Variants in IL5 observed in about 807,000 individuals in gnomAD.
The protein encoded by IL5 is interleukin-5.
In IL5, 12 loss-of-function variants were observed where a neutral mutation model predicts 16.3. The observed-to-expected ratio is 0.74, with a 90% CI of 0.47 to 1.20. The LOEUF (loss-of-function observed/expected upper bound fraction) is 1.20, where lower values mean the gene tolerates loss of function less well. Among genes scored for constraint, IL5 ranks in the 50% most tolerant of loss-of-function variants. The pLI is 0.00. For synonymous variants in IL5, 54 were observed against 56.6 expected, an observed-to-expected ratio of 0.95 and a Z score of 0.21; for missense variants, 159 against 153.9, an observed-to-expected ratio of 1.03 and a Z score of -0.17.
At position 132,556,806 on chromosome 5, in the gene IL5, CATCCCCA is replaced by C. The variant is rs949679573; in HGVS notation, c.-98_-92del. On this transcript the variant is annotated 5_prime_UTR_variant, in exon 1 of 3. Transcript: ENST00000450655. ...AAAGTCAGTGCCTCTCCAGGCTGCC[CATCCCCA>C]GCAAAGATCCGGAAGTCCGCTGCCC... is the stretch of plus-strand genomic sequence containing the variant. The C allele has an allele frequency of 1.9e-5, 23 of 1,204,072 alleles. No individual in the cohort carries two copies. The African/African-American group carries it at 3.2e-4, about 17-fold the overall frequency. 74.6% of individuals were successfully genotyped at this position (1,204,072 alleles called of 1,614,324 possible). A position where few individuals can be genotyped will look rare whatever the true frequency, so the allele number is the denominator to read the frequency against.
At chr5:132,556,535 G>A (rs1046254304) in intron 1 of IL5, 7 of 277,874 alleles carry the variant, frequency 2.5e-5, no homozygotes, top group African/African-American at 4.6e-5. Flanking sequence ...ATTTCTAAGC[G>A]CAAGAATACA....
At chr5:132,542,196 T>C (rs1749708480) in intron 2 of IL5, 53 bp from the exon 3 acceptor site, 9 of 1,474,900 alleles carry the variant, frequency 6.1e-6, no homozygotes, top group Non-Finnish European at 8.4e-6. Context: ...GTATAAAAAT[T>C]TGGTCCATTG....
upstream of IL5, chr5:132,543,536 G>A (rs774245052): frequency 1.7e-5 from 26 of 1,507,174 alleles, no homozygotes; most frequent in African/African-American, 4.2e-5. Flanking sequence ...ACAAGACTGC[G>A]TCCCCAGTCA....
upstream of IL5, among the ~76,000 whole-genome samples, chr5:132,546,343 C>T (rs1052062695): frequency 3.3e-5 from 5 of 152,120 alleles, no homozygotes; most frequent in East Asian, 1.9e-4. Context: ...CTTGCAACCA[C>T]GCTTCTACTT....
chr5:132,547,829 G>A (rs1243450270), upstream of IL5, among the ~76,000 whole-genome samples: 1 of 152,164 alleles, frequency 6.6e-6, no homozygotes, highest in Non-Finnish European at 1.5e-5. Flanking sequence ...CAGCACTTTG[G>A]GAGGCTGAGG....
At chr5:132,544,251 A>G (rs1749749146), upstream of IL5, among the ~76,000 whole-genome samples, 1 of 152,218 alleles carries the variant, frequency 6.6e-6, no homozygotes, top group South Asian at 2.1e-4. Flanking sequence ...GAGCAGCAGG[A>G]AAAAGCAAGC....
At chr5:132,548,976 A>G (rs892676229) in intron 1 of IL5, among the ~76,000 whole-genome samples, 7 of 152,194 alleles carry the variant, frequency 4.6e-5, no homozygotes, top group African/African-American at 1.7e-4. Flanking sequence ...GTTTTGTTAT[A>G]CATCGTTTCC....
At chr5:132,554,514 G>T (rs1749940415) in intron 1 of IL5, among the ~76,000 whole-genome samples, 1 of 152,008 alleles carries the variant, frequency 6.6e-6, no homozygotes, top group African/African-American at 2.4e-5. Flanking sequence ...CACTCATCAG[G>T]ATGGCTACCA....
chr5:132,543,693 T>G (rs1229815747), upstream of IL5: 1 of 397,396 alleles, frequency 2.5e-6, no homozygotes, highest in Non-Finnish European at 4.4e-6. Context: ...TAAAAATCCC[T>G]GTTTCCCCCC....
chr5:132,543,497 GT>G lies in IL5; in HGVS notation c.-20del, dbSNP rs1561621216. The G allele has an allele frequency of 6.2e-7, 1 of 1,611,666 alleles. No individual in the cohort carries two copies. Among genetic ancestry groups the G allele is most frequent in the East Asian group, 2.2e-5 (1 of 44,856 alleles). Reference sequence around the variant, plus strand: ...TCCTCATGGCTCTGAAACGTTCTGCGTTTGCCTTTGGCAAAGAAAGTGCATA... The same window carrying G: ...TCCTCATGGCTCTGAAACGTTCTGCGTTGCCTTTGGCAAAGAAAGTGCATA... On this transcript the variant is annotated 5_prime_UTR_variant, in exon 1 of 4. Coordinates refer to ENST00000231454, the MANE Select transcript of IL5 (RefSeq NM_000879.3).
Position 132,541,826 on chromosome 5 carries a change from C to G in IL5, c.390G>C (p.Trp130Cys). ...QEFLGVMNTE[W>C]IIES ...CAGTTTAGTCTCAACTTTCTATTAT[C>G]CACTCGGTGTTCATTACACCAAGAA... The change falls in exon 4 of 4, where the codon TGG becomes TGC. Residue 130 changes from tryptophan to cysteine, a missense_variant. Trp to Cys is a radical substitution (Grantham distance 215). Coordinates refer to ENST00000231454, the MANE Select transcript of IL5 (RefSeq NM_000879.3). 6.2e-7 allele frequency: 1 copy of G among 1,610,670 alleles called. No homozygotes were observed.
intron 1 of IL5, chr5:132,556,670 T>C (rs772742524): frequency 5.4e-5 from 68 of 1,253,154 alleles, no homozygotes; most frequent in Admixed American, 8.8e-5. Flanking sequence ...TGACACGAAC[T>C]GACCCCGCTT....
upstream of IL5, among the ~76,000 whole-genome samples, chr5:132,544,826 A>C (rs1189861419): frequency 1.3e-5 from 2 of 152,240 alleles, no homozygotes; most frequent in African/African-American, 4.8e-5. Context: ...ACTGTTGCCC[A>C]GAACAGTTTT....
Position 132,541,674 on chromosome 5 carries a change from T to A in IL5, c.*137A>T, listed in dbSNP as rs992130662. 2.0e-5 allele frequency: 11 copies of A among 547,150 alleles called. No homozygotes were observed. The highest frequency in any genetic ancestry group is 2.9e-5 in the Non-Finnish European group (9 of 310,152). 33.9% of individuals were successfully genotyped at this position (547,150 alleles called of 1,614,324 possible). A position where few individuals can be genotyped will look rare whatever the true frequency, so the allele number is the denominator to read the frequency against. ...TATGCTTTCTGGCAAAGTGTCAGTA[T>A]GCCTGAAATATTTACTTTCCCTCTG... On this transcript the variant is annotated 3_prime_UTR_variant, in exon 4 of 4. Transcript: ENST00000231454.
At chr5:132,555,660 C>T (rs892529125) in intron 1 of IL5, among the ~76,000 whole-genome samples, 6 of 152,150 alleles carry the variant, frequency 3.9e-5, no homozygotes, top group Non-Finnish European at 7.4e-5. Context: ...GGACCATCGG[C>T]GCCTGCCACC....
intron 1 of IL5, 70 bp downstream of exon 1, chr5:132,543,265 A>G (rs1189422418): frequency 3.4e-6 from 5 of 1,454,786 alleles, no homozygotes; most frequent in Non-Finnish European, 4.8e-6. Context: ...ATCTCTATAT[A>G]TAGTAAAGGA....
chr5:132,546,780 C>CT (rs2149824850), upstream of IL5, among the ~76,000 whole-genome samples: 1 of 152,182 alleles, frequency 6.6e-6, no homozygotes, highest in South Asian at 2.1e-4. Flanking sequence ...AATCTCAGCA[C>CT]TTTGGGAGGC....
At chr5:132,543,283 C>A in intron 1 of IL5, 52 bp downstream of exon 1, 1 of 1,535,622 alleles carries the variant, frequency 6.5e-7, no homozygotes. Context: ...GGAACCATCA[C>A]AAATGATTAC....
Position 132,543,511 on chromosome 5 carries a change from A to G in IL5, c.-33T>C. 1 of 1,609,838 alleles carries G rather than the reference A, an allele frequency of 6.2e-7. No homozygotes were observed. The highest frequency in any genetic ancestry group is 2.2e-5 in the East Asian group (1 of 44,862). Reference sequence around the variant, plus strand: ...AAACGTTCTGCGTTTGCCTTTGGCAAAGAAAGTGCATAGTACAAGACTGCG... The same window carrying G: ...AAACGTTCTGCGTTTGCCTTTGGCAGAGAAAGTGCATAGTACAAGACTGCG... On this transcript the variant is annotated 5_prime_UTR_variant, in exon 1 of 4. Transcript: ENST00000231454.
Sources: gnomAD v4.1 joint callset for allele counts (sites outside exome capture counted in the v4.1 genomes callset) on GRCh38, gnomAD v4.1.1 for gene constraint, MANE v1.5 for transcripts, NCBI Gene and HGNC (gene_info 2026-07-23, HGNC 2026-07-21) for gene names.